TIA1: variants seen among roughly 807,000 people sequenced by gnomAD.
The protein encoded by TIA1 is cytotoxic granule associated RNA binding protein TIA1.
In TIA1, 23 loss-of-function variants were observed where a neutral mutation model predicts 65.9. The observed-to-expected ratio is 0.35, with a 90% CI of 0.25 to 0.49. TIA1 has a LOEUF of 0.49. Among genes scored for constraint, TIA1 ranks in the 20% least tolerant of loss-of-function variants. The pLI is 0.98. For missense variants in TIA1, 371 were observed against 477.9 expected, an observed-to-expected ratio of 0.78 and a Z score of 2.09; for synonymous variants, 147 against 149.4, an observed-to-expected ratio of 0.98 and a Z score of 0.12.
chr2:70,218,099 T>C (rs745764502), intron 7 of TIA1, among the ~76,000 whole-genome samples: 2 of 152,096 alleles, frequency 1.3e-5, no homozygotes, highest in Admixed American at 6.5e-5. Context: ...CAATTACATA[T>C]TGTGGTAAGA....
At chr2:70,242,489 A>T in intron 1 of TIA1, among the ~76,000 whole-genome samples, 1 of 106,728 alleles carries the variant, frequency 9.4e-6, no homozygotes, top group Non-Finnish European at 1.8e-5. Flanking sequence ...ACAGAGACTC[A>T]GTCTCAAAAA....
At chr2:70,217,041 A>AG in intron 7 of TIA1, 47 bp from the exon 8 acceptor site, 1 of 1,547,438 alleles carries the variant, frequency 6.5e-7, no homozygotes, top group Middle Eastern at 1.7e-4. Flanking sequence ...CTATTAGTTG[A>AG]TGTTAAACAA....
At chr2:70,241,969 C>T (rs866575582) in intron 1 of TIA1, among the ~76,000 whole-genome samples, 2 of 151,066 alleles carry the variant, frequency 1.3e-5, no homozygotes, top group African/African-American at 2.4e-5. Context: ...AATAAAGAGA[C>T]GATGACGAAA....
At chr2:70,234,781 C>T (rs2592180) in intron 2 of TIA1, among the ~76,000 whole-genome samples, 41,673 of 151,504 alleles carry the variant, frequency 0.28, 6,280 homozygotes, top group East Asian at 0.39. Context: ...AGGCTAGTCT[C>T]GAACTCCTGA....
chr2:70,212,632 C>T lies in TIA1; in HGVS notation c.*87G>A. On this transcript the variant is annotated 3_prime_UTR_variant, in exon 13 of 13. Transcript: ENST00000433529. ...ACATTGTATCTGACATTTGCACTGA[C>T]TGATTTGATAAATCTTTAAGTAAAC... The T allele has an allele frequency of 1.3e-6, 1 of 799,064 alleles. No individual in the cohort carries two copies. Among genetic ancestry groups the T allele is most frequent in the South Asian group, 1.4e-5 (1 of 70,388 alleles). The allele number at this position is 799,064 out of a possible 1,614,324, so 49.5% of individuals were successfully genotyped here. A position where few individuals can be genotyped will look rare whatever the true frequency, so the allele number is the denominator to read the frequency against.
intron 2 of TIA1, among the ~76,000 whole-genome samples, chr2:70,235,381 T>A (rs937243631): frequency 1.3e-5 from 2 of 152,092 alleles, no homozygotes; most frequent in African/African-American, 4.8e-5. Flanking sequence ...CACCATTGTA[T>A]TCCAGCCTGG....
At chr2:70,214,248 T>A in intron 12 of TIA1, 101 bp downstream of exon 12, 1 of 1,298,526 alleles carries the variant, frequency 7.7e-7, no homozygotes, top group South Asian at 1.5e-5. Context: ...ACGCTTTACA[T>A]AAGAGGCCCT....
chr2:70,217,477 A>G (rs1432082295), intron 7 of TIA1, among the ~76,000 whole-genome samples: 2 of 151,692 alleles, frequency 1.3e-5, no homozygotes, highest in African/African-American at 2.4e-5. Context: ...GGCTCACTGC[A>G]AGCTCTGCCT....
chr2:70,209,813 T>C lies in TIA1; in HGVS notation c.*2906A>G, dbSNP rs1255472131. 1 of 397,840 alleles carries C rather than the reference T, an allele frequency of 2.5e-6. No homozygotes were observed. The highest frequency in any genetic ancestry group is 2.1e-5 in the African/African-American group (1 of 48,630). 24.6% of individuals were successfully genotyped at this position (397,840 alleles called of 1,614,324 possible). ...GTACATTTCGTTTTTCTAATTCAAC[T>C]GTAACCTCAGGACCACTGTACAGCA... On this transcript the variant is annotated 3_prime_UTR_variant, in exon 13 of 13. Transcript: ENST00000433529.
chr2:70,248,341 G>A, intron 1 of TIA1, 64 bp downstream of exon 1: 2 of 1,567,978 alleles, frequency 1.3e-6, no homozygotes, highest in Non-Finnish European at 8.6e-7. Context: ...GAGCGGCGCA[G>A]GGCCGAGGCC....
intron 2 of TIA1, among the ~76,000 whole-genome samples, chr2:70,232,591 G>A (rs1322819065): frequency 3.4e-5 from 5 of 147,630 alleles, no homozygotes; most frequent in Non-Finnish European, 7.4e-5. Flanking sequence ...TCCCTTGGCC[G>A]GGCACAGTAG....
intron 8 of TIA1, 43 bp downstream of exon 8, chr2:70,216,843 T>C (rs971919350): frequency 6.2e-7 from 1 of 1,613,416 alleles, no homozygotes; most frequent in African/African-American, 1.3e-5. Context: ...AGCGTATTTT[T>C]CTCCAAAATT....
At chr2:70,216,331 G>C (rs766373322) in intron 9 of TIA1, 39 bp from the exon 10 acceptor site, 2 of 1,581,056 alleles carry the variant, frequency 1.3e-6, no homozygotes, top group Admixed American at 1.9e-5. Context: ...ATCACACTAA[G>C]TTATATAAAA....
At chr2:70,223,557 G>C (rs1173970063) in intron 7 of TIA1, among the ~76,000 whole-genome samples, 2 of 151,978 alleles carry the variant, frequency 1.3e-5, no homozygotes, top group African/African-American at 4.8e-5. Flanking sequence ...AAGTAGCTGG[G>C]ACTACAGGCA....
At chr2:70,224,124 A>G (rs1261057584) in intron 7 of TIA1, among the ~76,000 whole-genome samples, 2 of 151,418 alleles carry the variant, frequency 1.3e-5, no homozygotes, top group Admixed American at 6.6e-5. Context: ...CACCAGGTTG[A>G]CCTGGCTGTT....
chr2:70,238,090 G>A (rs1689876356), intron 1 of TIA1, among the ~76,000 whole-genome samples: 1 of 151,152 alleles, frequency 6.6e-6, no homozygotes, highest in Non-Finnish European at 1.5e-5. Context: ...GAACCTGGGA[G>A]ACGGAACTTG....
intron 5 of TIA1, chr2:70,228,693 T>G: frequency 1.0e-6 from 1 of 985,340 alleles, no homozygotes; most frequent in Non-Finnish European, 1.2e-6. Flanking sequence ...TGACAGGCCT[T>G]AAACAACATT....
rs1289519370 is a variant in TIA1 at position 70,211,870 on chromosome 2, T to C, written c.*849A>G. On this transcript the variant is annotated 3_prime_UTR_variant, in exon 13 of 13. Coordinates refer to ENST00000433529, the MANE Select transcript of TIA1 (RefSeq NM_022173.4). ...ACATGTAAATGTTGAAGTTGACACA[T>C]GAAATTAACATGGCATAAGAACTTA... 1 of 152,558 alleles carries C rather than the reference T, an allele frequency of 6.6e-6. No homozygotes were observed. The highest frequency in any genetic ancestry group is 2.4e-5 in the African/African-American group (1 of 41,474). 9.5% of individuals were successfully genotyped at this position (152,558 alleles called of 1,614,324 possible).
chr2:70,243,519 A>T (rs888089864), intron 1 of TIA1, among the ~76,000 whole-genome samples: 2 of 152,188 alleles, frequency 1.3e-5, no homozygotes, highest in Non-Finnish European at 2.9e-5. Flanking sequence ...TTATTTAACA[A>T]ATGTATACCC....
Sources: allele counts gnomAD v4.1 joint callset (sites outside exome capture counted in the v4.1 genomes callset), GRCh38; gene constraint gnomAD v4.1.1; transcripts MANE v1.5; gene names NCBI Gene and HGNC (gene_info 2026-07-23, HGNC 2026-07-21).